CPM: variants seen among roughly 807,000 people sequenced by gnomAD.
CPM encodes carboxypeptidase M.
Under a neutral mutation model 46.4 loss-of-function variants are expected in CPM, and 35 were observed. The observed-to-expected ratio is 0.75, with a 90% CI of 0.58 to 1.00. The LOEUF is 1.00. Among genes scored for constraint, CPM ranks in the 50% least tolerant of loss-of-function variants. The pLI, the probability that CPM is intolerant of heterozygous loss-of-function variation, is 0.00. For synonymous variants in CPM, 195 were observed against 195.3 expected (o/e 1.00, Z 0.01); for missense variants, 422 against 530.4 (o/e 0.80, Z 2.01).
chr12:68,898,544 T>C (rs750477029), intron 2 of CPM, among the ~76,000 whole-genome samples: 17 of 152,144 alleles, frequency 1.1e-4, no homozygotes, highest in Non-Finnish European at 5.9e-5. Flanking sequence ...TTAACAAAGG[T>C]GGACTACTTC....
At chr12:68,926,519 T>C (rs937659877) in intron 2 of CPM, among the ~76,000 whole-genome samples, 16 of 152,114 alleles carry the variant, frequency 1.1e-4, no homozygotes, top group Admixed American at 4.6e-4. Flanking sequence ...CATGGAATCA[T>C]CCCCATCTGT....
intron 3 of CPM, among the ~76,000 whole-genome samples, chr12:68,873,892 G>A (rs949896538): frequency 6.6e-6 from 1 of 151,510 alleles, no homozygotes; most frequent in East Asian, 2.0e-4. Context: ...TACAACCTCC[G>A]TCTCCTGGAT....
Position 68,961,172 on chromosome 12 carries a change from CAGAGTCTTGCTCT to C in CPM, c.-4+1984_-4+1996del, listed in dbSNP as rs1889105514. 2.0e-5 allele frequency among the ~76,000 whole-genome samples: 3 copies of C among 152,070 alleles called. No individual in the cohort carries two copies. In the South Asian group the frequency reaches 6.2e-4, roughly 32 times the overall value. ...GTCTTAAAAAAATTTTTTTTTGAGACAGAGTCTTGCTCTGTCACCCAGGCTGGAGTGCAGTGGT... is the reference window on the plus strand; with the variant it reads ...GTCTTAAAAAAATTTTTTTTTGAGACGTCACCCAGGCTGGAGTGCAGTGGT... On this transcript the variant is annotated intron_variant, in intron 1 of 8. Coordinates refer to the CPM transcript ENST00000546373.
At chr12:68,889,449 G>A (rs915519072) in intron 2 of CPM, among the ~76,000 whole-genome samples, 21 of 152,270 alleles carry the variant, frequency 1.4e-4, no homozygotes, top group Non-Finnish European at 7.4e-5. Context: ...TATGGAAAAA[G>A]AATGCAAAAT....
chr12:68,918,640 TCCAAC>T (rs1345513037), intron 2 of CPM, among the ~76,000 whole-genome samples: 24 of 152,134 alleles, frequency 1.6e-4, no homozygotes, highest in African/African-American at 2.7e-4. Flanking sequence ...TCCAATCCAA[TCCAAC>T]CCAACCCAAC....
upstream of CPM, chr12:68,933,189 C>G (rs1400601282): frequency 5.6e-5 from 9 of 160,760 alleles, no homozygotes; most frequent in African/African-American, 2.2e-4. Flanking sequence ...CCCGGCGGGG[C>G]CGGGTGTTAT....
At chr12:68,891,572 A>T (rs1189318670) in intron 2 of CPM, among the ~76,000 whole-genome samples, 6 of 152,220 alleles carry the variant, frequency 3.9e-5, no homozygotes, top group Admixed American at 3.9e-4. Flanking sequence ...CAGTCTTTGG[A>T]AACTTCATAA....
chr12:68,847,539 C>T (rs1884414117), downstream of CPM: 2 of 144,940 alleles, frequency 1.4e-5, no homozygotes, highest in African/African-American at 2.7e-5. Flanking sequence ...CTGCAAGCTC[C>T]GCCTCCCAGG....
intron 2 of CPM, among the ~76,000 whole-genome samples, chr12:68,886,090 A>G (rs1886415067): frequency 6.6e-6 from 1 of 152,194 alleles, no homozygotes; most frequent in Admixed American, 6.5e-5. Flanking sequence ...CTTTCAATTC[A>G]GCACAAATAT....
chr12:68,925,949 C>T (rs2136313941), intron 2 of CPM, among the ~76,000 whole-genome samples: 1 of 152,262 alleles, frequency 6.6e-6, no homozygotes, highest in South Asian at 2.1e-4. Context: ...CTCACCCTAT[C>T]ACCCAGGTTA....
At position 68,869,493 on chromosome 12, in the gene CPM, T is replaced by C; in HGVS notation, c.619A>G (p.Thr207Ala). The change falls in exon 6 of 9, where the codon ACT becomes GCT. Residue 207 changes from threonine (T) to alanine (A), a missense_variant and splice_region_variant. By Grantham distance (58) the Thr-to-Ala change is moderately conservative (BLOSUM62 0). Coordinates refer to ENST00000551568, the MANE Select transcript of CPM (RefSeq NM_198320.5). ...SYPFDNGVQATGALYSRSLTP... is the reference protein window; with the variant it reads ...SYPFDNGVQAAGALYSRSLTP... The stretch of plus-strand genomic sequence containing the variant: ...AAGCTTCGGGAGTATAATGCCCCAG[T>C]TGCTGCATTTAAAAGATGAACCAAG... The C allele has an allele frequency of 3.8e-6, 6 of 1,599,958 alleles. No individual in the cohort carries two copies. The highest frequency in any genetic ancestry group is 5.1e-6 in the Non-Finnish European group (6 of 1,172,644).
Position 68,903,447 on chromosome 12 carries a change from A to G in CPM, c.161-17558T>C, listed in dbSNP as rs950860935. Among the ~76,000 whole-genome samples, 61 of 152,242 alleles carry G rather than the reference A, an allele frequency of 4.0e-4. 1 individual carries two copies. The highest frequency in any genetic ancestry group is 3.9e-3 in the Admixed American group (60 of 15,288). On this transcript the variant is annotated intron_variant, in intron 2 of 8. Coordinates refer to ENST00000551568, the MANE Select transcript of CPM (RefSeq NM_198320.5). ...CACCGCCACTGAACATTTTCAGGTC[A>G]GAAAATCTCCCAAACCCAACTCTTT...
chr12:68,874,605 C>T (rs1885858713), intron 3 of CPM, among the ~76,000 whole-genome samples: 1 of 151,786 alleles, frequency 6.6e-6, no homozygotes, highest in African/African-American at 2.4e-5. Flanking sequence ...TGAGACACAC[C>T]ATCTCGAAAA....
chr12:68,918,847 C>T (rs1887921751), intron 2 of CPM, among the ~76,000 whole-genome samples: 1 of 152,204 alleles, frequency 6.6e-6, no homozygotes, highest in African/African-American at 2.4e-5. Context: ...AGTTATCTTT[C>T]TAAAACCCAC....
chr12:68,907,510 G>T (rs1373756696), intron 2 of CPM, among the ~76,000 whole-genome samples: 1 of 152,158 alleles, frequency 6.6e-6, no homozygotes, highest in East Asian at 1.9e-4. Flanking sequence ...ACATGTGTTT[G>T]ATAGATGCAT....
chr12:68,889,821 G>T (rs948698311), intron 2 of CPM, among the ~76,000 whole-genome samples: 1 of 152,170 alleles, frequency 6.6e-6, no homozygotes, highest in African/African-American at 2.4e-5. Flanking sequence ...TGTCAGCAGC[G>T]TGTGTCAGCA....
intron 3 of CPM, among the ~76,000 whole-genome samples, chr12:68,879,979 A>G (rs1886117782): frequency 6.6e-6 from 1 of 152,056 alleles, no homozygotes; most frequent in African/African-American, 2.4e-5. Context: ...CCAAGCCAGG[A>G]GCAGAATGAG....
chr12:68,880,875 G>A (rs1886159964), intron 3 of CPM, among the ~76,000 whole-genome samples: 1 of 152,212 alleles, frequency 6.6e-6, no homozygotes, highest in African/African-American at 2.4e-5. Flanking sequence ...ATGTGGCATA[G>A]TGAGCCTGTG....
At chr12:68,869,545 G>C in intron 5 of CPM, 50 bp from the exon 6 acceptor site, 1 of 1,522,110 alleles carries the variant, frequency 6.6e-7, no homozygotes, top group Non-Finnish European at 8.9e-7. Context: ...GAGAGTAAGA[G>C]GAAACACAAA....
Sources: gnomAD v4.1 joint callset for allele counts (sites outside exome capture counted in the v4.1 genomes callset) on GRCh38, gnomAD v4.1.1 for gene constraint, MANE v1.5 for transcripts, NCBI Gene and HGNC (gene_info 2026-07-23, HGNC 2026-07-21) for gene names.